The following DENND2B variants were observed in gnomAD, a reference collection of about 807,000 sequenced individuals.
DENND2B encodes the protein DENN domain containing 2B.
A neutral mutation model predicts 116.0 loss-of-function variants in DENND2B; 32 were observed. The observed-to-expected ratio is 0.28, with a 90% CI of 0.21 to 0.37. The LOEUF (loss-of-function observed/expected upper bound fraction) is 0.37, where lower values mean the gene tolerates loss of function less well. Ranked by LOEUF, DENND2B falls within the 10% of genes least tolerant of loss-of-function variation. The pLI is 1.00. For missense variants in DENND2B, 1,276 were observed against 1,477.7 expected (o/e 0.86, Z 2.24); for synonymous variants, 588 against 583.9 (o/e 1.01, Z -0.10).
At chr11:8,776,108 A>G (rs1159213831) in intron 1 of DENND2B, 1 of 422,596 alleles carries the variant, frequency 2.4e-6, no homozygotes, top group Non-Finnish European at 4.8e-6. Context: ...ACACAGAGAT[A>G]CACAGACTTG....
intron 4 of DENND2B, among the ~76,000 whole-genome samples, chr11:8,821,237 G>A (rs925281581): frequency 6.6e-6 from 1 of 151,670 alleles, no homozygotes; most frequent in Non-Finnish European, 1.5e-5. Context: ...AAAAGAGGGT[G>A]GGAGGAAAAC....
chr11:8,750,694 T>C lies in DENND2B; in HGVS notation c.7A>G (p.Met3Val), dbSNP rs199731488. The change falls in exon 2 of 20, where the codon ATG becomes GTG. Residue 3 changes from methionine (M) to valine (V), a missense_variant. Physicochemically the swap from Met to Val is conservative, Grantham distance 21. Coordinates refer to ENST00000313726, the MANE Select transcript of DENND2B (RefSeq NM_213618.2). ...ATGCTGGAATTCTTGTTGGCAGTCA[T>C]GGTCATTTCGGCTCTCTGCAAACCC... is the stretch of plus-strand genomic sequence containing the variant. MTMTANKNSSITH... is the reference protein window; with the variant it reads MTVTANKNSSITH... 3 of 1,614,174 alleles carry C rather than the reference T, an allele frequency of 1.9e-6. No individual in the cohort carries two copies. The highest frequency in any genetic ancestry group is 1.7e-5 in the Admixed American group (1 of 60,024).
chr11:8,703,452 A>T (rs2042059760), intron 13 of DENND2B: 1 of 152,350 alleles, frequency 6.6e-6, no homozygotes. Flanking sequence ...TCTCTGGGGG[A>T]GTCACAGGGG....
At chr11:8,899,287 GA>G (rs986438757) in intron 1 of DENND2B, among the ~76,000 whole-genome samples, 2 of 151,802 alleles carry the variant, frequency 1.3e-5, no homozygotes, top group African/African-American at 4.8e-5. Flanking sequence ...GAAAGGGACA[GA>G]AAAAAATGGC....
At chr11:8,716,174 T>A (rs2044734422) in intron 5 of DENND2B, among the ~76,000 whole-genome samples, 1 of 152,192 alleles carries the variant, frequency 6.6e-6, no homozygotes, top group South Asian at 2.1e-4. Context: ...GGAACCAGTC[T>A]TCCGGACCTC....
At chr11:8,892,855 C>T (rs1335747310) in intron 1 of DENND2B, among the ~76,000 whole-genome samples, 1 of 152,296 alleles carries the variant, frequency 6.6e-6, no homozygotes, top group East Asian at 1.9e-4. Flanking sequence ...TGAAACTATT[C>T]CAATCAATAG....
chr11:8,804,079 G>A (rs1565985229), intron 1 of DENND2B, among the ~76,000 whole-genome samples: 1 of 152,240 alleles, frequency 6.6e-6, no homozygotes, highest in African/African-American at 2.4e-5. Flanking sequence ...CACAGCAGGA[G>A]GAAAGAGCTG....
At chr11:8,704,270 T>C (rs924311230) in intron 13 of DENND2B, among the ~76,000 whole-genome samples, 1 of 152,138 alleles carries the variant, frequency 6.6e-6, no homozygotes, top group African/African-American at 2.4e-5. Context: ...CTCATGTGGG[T>C]GGGGAGAGGT....
intron 2 of DENND2B, among the ~76,000 whole-genome samples, chr11:8,862,736 T>G (rs563998387): frequency 1.3e-5 from 2 of 152,256 alleles, no homozygotes; most frequent in South Asian, 4.2e-4. Context: ...GCCTGGGTGA[T>G]AAGCCGCAGA....
At chr11:8,743,411 G>A (rs75662286) in intron 2 of DENND2B, among the ~76,000 whole-genome samples, 2,808 of 150,958 alleles carry the variant, frequency 0.019, 88 homozygotes, top group African/African-American at 0.065. Flanking sequence ...TTAGCCAGAT[G>A]TAGTGGCTTA....
intron 1 of DENND2B, among the ~76,000 whole-genome samples, chr11:8,799,302 A>G (rs2060106499): frequency 6.6e-6 from 1 of 152,172 alleles, no homozygotes; most frequent in Non-Finnish European, 1.5e-5. Flanking sequence ...AGAGGCAGGG[A>G]CTCGGAAAGG....
chr11:8,881,531 T>A (rs1314450784), intron 1 of DENND2B, among the ~76,000 whole-genome samples: 6 of 152,168 alleles, frequency 3.9e-5, no homozygotes, highest in African/African-American at 1.4e-4. Context: ...ATGCTCTGTC[T>A]TGTTCTTTTT....
intron 3 of DENND2B, among the ~76,000 whole-genome samples, chr11:8,850,573 C>T (rs1004476417): frequency 4.6e-5 from 7 of 151,544 alleles, no homozygotes; most frequent in Admixed American, 2.6e-4. Context: ...TGGAGGTTGA[C>T]GGGAATATAA....
At chr11:8,719,247 T>G (rs909918456) in intron 4 of DENND2B, 2 of 985,044 alleles carry the variant, frequency 2.0e-6, no homozygotes, top group South Asian at 4.7e-5. Flanking sequence ...TTCCTCCATT[T>G]CCAAAGTGGA....
intron 1 of DENND2B, among the ~76,000 whole-genome samples, chr11:8,754,461 C>T (rs1343876825): frequency 6.6e-6 from 1 of 151,142 alleles, no homozygotes; most frequent in Non-Finnish European, 1.5e-5. Flanking sequence ...AACTTTCATT[C>T]CCTGCTGGTA....
In DENND2B at chr11:8,750,711, T is replaced by C. The variant is rs1168414089; in HGVS notation, c.-11A>G. The C allele has an allele frequency of 6.2e-7, 1 of 1,614,060 alleles. No homozygotes were observed. Among genetic ancestry groups the C allele is most frequent in the Non-Finnish European group, 8.5e-7 (1 of 1,180,026 alleles). ...GGCAGTCATGGTCATTTCGGCTCTC[T>C]GCAAACCCAGAGCCCTGCAAAGACG... On this transcript the variant is annotated 5_prime_UTR_variant, in exon 2 of 20. Transcript: ENST00000313726.
At chr11:8,834,303 A>G (rs1199877182) in intron 4 of DENND2B, among the ~76,000 whole-genome samples, 1 of 152,244 alleles carries the variant, frequency 6.6e-6, no homozygotes, top group East Asian at 1.9e-4. Flanking sequence ...TTAGCAGCAT[A>G]TGCGTCCTAC....
chr11:8,767,669 A>G (rs2056099515), intron 1 of DENND2B, among the ~76,000 whole-genome samples: 1 of 152,144 alleles, frequency 6.6e-6, no homozygotes, highest in Admixed American at 6.6e-5. Flanking sequence ...CTCATTCCGC[A>G]AGTATTTTTT....
At chr11:8,738,949 T>C (rs1378902664) in intron 2 of DENND2B, among the ~76,000 whole-genome samples, 2 of 152,168 alleles carry the variant, frequency 1.3e-5, no homozygotes, top group African/African-American at 2.4e-5. Context: ...TGGGGAGACA[T>C]CTGTGATGGC....
Sources: gnomAD v4.1 joint callset for allele counts (sites outside exome capture counted in the v4.1 genomes callset) on GRCh38, gnomAD v4.1.1 for gene constraint, MANE v1.5 for transcripts, NCBI Gene and HGNC (gene_info 2026-07-23, HGNC 2026-07-21) for gene names.